SEMA5A: variants seen among roughly 807,000 people sequenced by gnomAD.
SEMA5A encodes the protein semaphorin-5A.
In SEMA5A, 55 loss-of-function variants were observed where a neutral mutation model predicts 135.5. That is an observed-to-expected ratio of 0.41 (90% CI 0.33 to 0.51). The LOEUF (loss-of-function observed/expected upper bound fraction) is 0.51. SEMA5A is among the 20% of genes least tolerant of loss of function. SEMA5A has a pLI of 0.37. For missense variants in SEMA5A, 1,290 were observed against 1,419.9 expected, an observed-to-expected ratio of 0.91 and a Z score of 1.47; for synonymous variants, 580 against 546.5, an observed-to-expected ratio of 1.06 and a Z score of -0.85.
intron 18 of SEMA5A, among the ~76,000 whole-genome samples, chr5:9,055,240 C>G (rs1028044817): frequency 6.6e-6 from 1 of 152,218 alleles, no homozygotes; most frequent in Non-Finnish European, 1.5e-5. Context: ...CTGTGCCTCT[C>G]TCTTACTAGC....
At chr5:9,120,213 C>A (rs1740739080) in intron 14 of SEMA5A, among the ~76,000 whole-genome samples, 1 of 152,078 alleles carries the variant, frequency 6.6e-6, no homozygotes, top group Admixed American at 6.5e-5. Flanking sequence ...TTGTCACCTT[C>A]ATCCATAAGA....
chr5:9,100,931 C>T (rs1739595064), intron 16 of SEMA5A, among the ~76,000 whole-genome samples: 1 of 152,030 alleles, frequency 6.6e-6, no homozygotes, highest in African/African-American at 2.4e-5. Context: ...ACCTGCACAA[C>T]TGTATGCATT....
intron 1 of SEMA5A, among the ~76,000 whole-genome samples, chr5:9,492,968 G>A (rs1271829855): frequency 3.3e-5 from 5 of 152,100 alleles, no homozygotes; most frequent in African/African-American, 9.7e-5. Context: ...GTCCAAATCT[G>A]TAGAATATAC....
At chr5:9,052,150 G>A in intron 19 of SEMA5A, 122 bp from the exon 20 acceptor site, 1 of 1,058,260 alleles carries the variant, frequency 9.4e-7, no homozygotes. Context: ...ATTTTTAATG[G>A]TTCTGTGCAT....
chr5:9,352,549 C>T (rs541478652), intron 3 of SEMA5A, among the ~76,000 whole-genome samples: 1 of 152,290 alleles, frequency 6.6e-6, no homozygotes, highest in East Asian at 1.9e-4. Context: ...CATACCTGGC[C>T]CAATTTGATA....
In SEMA5A at chr5:9,400,771, A is replaced by T. The variant is rs1455723994; in HGVS notation, c.-77-20748T>A. Among the ~76,000 whole-genome samples the T allele has an allele frequency of 2.6e-5, 4 of 151,964 alleles. 1 individual carries two copies. Among genetic ancestry groups the T allele is most frequent in the African/African-American group, 4.8e-5 (2 of 41,362 alleles). ...TCCGCCCGCCTCGGCCTCCCAAAAC[A>T]TTTTTTACTGAAATGCACCAGCTCT... On this transcript the variant is annotated intron_variant, in intron 2 of 22. Transcript: ENST00000382496.
At chr5:9,191,624 A>C (rs17253070) in intron 10 of SEMA5A, among the ~76,000 whole-genome samples, 606 of 15,902 alleles carry the variant, frequency 0.038, 2 homozygotes, top group Non-Finnish European at 0.057. Flanking sequence ...TTGCTTTTTG[A>C]AAAGTAGATG....
chr5:9,193,583 T>C (rs1435340029), intron 10 of SEMA5A, among the ~76,000 whole-genome samples: 3 of 152,148 alleles, frequency 2.0e-5, no homozygotes, highest in South Asian at 2.1e-4. Context: ...TTTGTTCACT[T>C]ACTCCCTTGC....
intron 16 of SEMA5A, among the ~76,000 whole-genome samples, chr5:9,074,384 CT>C (rs1379677832): frequency 2.6e-5 from 4 of 152,050 alleles, no homozygotes; most frequent in Non-Finnish European, 5.9e-5. Flanking sequence ...AACCAAAGAA[CT>C]CCTAGAAGCA....
chr5:9,365,183 G>A (rs938904393), intron 3 of SEMA5A, among the ~76,000 whole-genome samples: 15 of 152,154 alleles, frequency 9.9e-5, no homozygotes, highest in African/African-American at 1.7e-4. Context: ...ACCGTAGTAC[G>A]GATCTTCCTT....
chr5:9,219,269 C>T (rs1746800140), intron 8 of SEMA5A, among the ~76,000 whole-genome samples: 1 of 152,150 alleles, frequency 6.6e-6, no homozygotes, highest in Admixed American at 6.5e-5. Context: ...AGAAGAAAGA[C>T]TCAGGTCTGG....
At chr5:9,295,086 C>T (rs751803919) in intron 5 of SEMA5A, among the ~76,000 whole-genome samples, 3 of 152,158 alleles carry the variant, frequency 2.0e-5, no homozygotes, top group Admixed American at 6.6e-5. Flanking sequence ...TTTCATAGCC[C>T]CTGTCAGGGT....
chr5:9,369,895 A>G (rs917385011), intron 3 of SEMA5A, among the ~76,000 whole-genome samples: 1 of 152,014 alleles, frequency 6.6e-6, no homozygotes, highest in African/African-American at 2.4e-5. Flanking sequence ...CACTTAACCC[A>G]TTCCCTGCCT....
chr5:9,447,665 T>C (rs1297353963), intron 1 of SEMA5A, among the ~76,000 whole-genome samples: 2 of 152,194 alleles, frequency 1.3e-5, no homozygotes, highest in African/African-American at 4.8e-5. Context: ...TCTAATTCTG[T>C]TCTATTTGTC....
rs1246545225 is a variant in SEMA5A at position 9,545,235 on chromosome 5, C to A, written c.-175+349G>T. Among the ~76,000 whole-genome samples the A allele has an allele frequency of 6.6e-6, 1 of 152,100 alleles. No individual in the cohort carries two copies. Among genetic ancestry groups the A allele is most frequent in the Non-Finnish European group, 1.5e-5 (1 of 68,012 alleles). On this transcript the variant is annotated intron_variant, in intron 1 of 22. Transcript: ENST00000382496. The surrounding 1 kb of genome is among the most constrained non-coding windows in gnomAD (Gnocchi z 4.5). ...TGCGAGCCTGGAGGCGCGCCGGGGGCGGGCACAGACCAGTGTGCGCACCTT... is the reference window on the plus strand; with the variant it reads ...TGCGAGCCTGGAGGCGCGCCGGGGGAGGGCACAGACCAGTGTGCGCACCTT...
chr5:9,254,764 G>A (rs1372473744), intron 5 of SEMA5A, among the ~76,000 whole-genome samples: 1 of 152,110 alleles, frequency 6.6e-6, no homozygotes, highest in Non-Finnish European at 1.5e-5. Context: ...CAGAAAGCAA[G>A]TAAAGGAGCT....
chr5:9,238,695 G>C (rs1426932677), intron 5 of SEMA5A, among the ~76,000 whole-genome samples: 1 of 151,568 alleles, frequency 6.6e-6, no homozygotes, highest in Non-Finnish European at 1.5e-5. Context: ...TGAGGCACCT[G>C]GGCTTTTTTT....
chr5:9,525,943 T>C (rs1737099402), intron 1 of SEMA5A, among the ~76,000 whole-genome samples: 1 of 152,212 alleles, frequency 6.6e-6, no homozygotes, highest in Non-Finnish European at 1.5e-5. Context: ...TGGCCCTTTT[T>C]AGGGTTGTAT....
At chr5:9,458,065 G>T (rs564979430) in intron 1 of SEMA5A, among the ~76,000 whole-genome samples, 75 of 151,810 alleles carry the variant, frequency 4.9e-4, no homozygotes, top group African/African-American at 1.7e-3. Flanking sequence ...CCGCCAACAC[G>T]CCCAGCTAAT....
Sources: gnomAD v4.1 joint callset for allele counts (sites outside exome capture counted in the v4.1 genomes callset) on GRCh38, gnomAD v4.1.1 for gene constraint, Gnocchi (gnomAD v3.1) non-coding constraint, MANE v1.5 for transcripts, NCBI Gene and HGNC (gene_info 2026-07-23, HGNC 2026-07-21) for gene names.